PLXNA4: variants seen among roughly 807,000 people sequenced by gnomAD.
PLXNA4 encodes plexin A4.
A neutral mutation model predicts 191.8 loss-of-function variants in PLXNA4; 44 were observed. That is an observed-to-expected ratio of 0.23 (90% confidence interval 0.18 to 0.29). The LOEUF is 0.29. Among genes scored for constraint, PLXNA4 ranks in the 10% least tolerant of loss-of-function variants. PLXNA4 has a pLI of 1.00. For synonymous variants in PLXNA4, 1,082 were observed against 1,009.5 expected (o/e 1.07, Z -1.36); for missense variants, 1,800 against 2,488.8 (o/e 0.72, Z 5.89).
intron 3 of PLXNA4, among the ~76,000 whole-genome samples, chr7:132,423,782 C>T (rs1026739093): frequency 6.6e-6 from 1 of 152,198 alleles, no homozygotes; most frequent in Non-Finnish European, 1.5e-5. Context: ...CCTTCTCTCT[C>T]CTGCAGAATG....
chr7:132,393,648 C>A (rs1337669598), intron 3 of PLXNA4, among the ~76,000 whole-genome samples: 3 of 152,192 alleles, frequency 2.0e-5, no homozygotes, highest in Non-Finnish European at 4.4e-5. Flanking sequence ...TCCCGGCTCT[C>A]TAGAAACTCC....
intron 1 of PLXNA4, among the ~76,000 whole-genome samples, chr7:132,647,268 C>CAT (rs1004555036): frequency 3.3e-5 from 5 of 151,776 alleles, no homozygotes; most frequent in Admixed American, 6.6e-5. Flanking sequence ...TGCAGTCACA[C>CAT]ATATATATAC....
chr7:132,489,249 G>T (rs780021921), intron 3 of PLXNA4, 43 bp downstream of exon 3: 36 of 1,539,350 alleles, frequency 2.3e-5, no homozygotes, highest in Admixed American at 3.4e-5. Context: ...AGGAGGGACA[G>T]ACTGTCTTCA....
intron 14 of PLXNA4, among the ~76,000 whole-genome samples, chr7:132,188,956 A>AGGAGAGGAG (rs1562908616): frequency 6.3e-5 from 3 of 47,562 alleles, no homozygotes; most frequent in East Asian, 6.7e-4. Context: ...CCAGAGAGGA[A>AGGAGAGGAG]AGGAAAGGAA....
rs1307304133 is a variant in PLXNA4 at position 132,345,038 on chromosome 7, C to T, written c.1372-46816G>A. ...CCTAGGTGCCAGCATTGGTAGATGT[C>T]GGTGAAATGAATGAATGCATACATA... On this transcript the variant is annotated intron_variant, in intron 3 of 31. Coordinates refer to ENST00000321063, the MANE Select transcript of PLXNA4 (RefSeq NM_020911.2). Among the ~76,000 whole-genome samples, 8 of 152,220 alleles carry T rather than the reference C, an allele frequency of 5.3e-5. No homozygotes were observed. The South Asian group carries it at 1.0e-3, about 20-fold the overall frequency.
At chr7:132,572,753 C>T (rs1802037416) in intron 1 of PLXNA4, among the ~76,000 whole-genome samples, 1 of 152,150 alleles carries the variant, frequency 6.6e-6, no homozygotes, top group Non-Finnish European at 1.5e-5. Flanking sequence ...AAAGTCTGTG[C>T]AGCTAGAGGG....
chr7:132,159,691 A>T, intron 24 of PLXNA4, 59 bp from the exon 25 acceptor site: 1 of 1,598,176 alleles, frequency 6.3e-7, no homozygotes, highest in Non-Finnish European at 8.5e-7. Context: ...AAGCTCCTAG[A>T]TCCCCAGCAG....
At chr7:132,193,916 A>G (rs529166815) in intron 14 of PLXNA4, 146 bp downstream of exon 14, 7 of 1,046,368 alleles carry the variant, frequency 6.7e-6, no homozygotes, top group Middle Eastern at 2.9e-4. Flanking sequence ...CTCACTCACT[A>G]TAAGACAGGA....
intron 4 of PLXNA4, among the ~76,000 whole-genome samples, chr7:132,276,224 A>T (rs908763472): frequency 6.6e-6 from 1 of 152,198 alleles, no homozygotes; most frequent in Admixed American, 6.5e-5. Flanking sequence ...TCAAAGGAAT[A>T]TGAGTGGGGA....
intron 3 of PLXNA4, among the ~76,000 whole-genome samples, chr7:132,380,256 A>T (rs574833075): frequency 6.6e-6 from 1 of 152,292 alleles, no homozygotes; most frequent in South Asian, 2.1e-4. Flanking sequence ...AGCCTGTGGA[A>T]TTTGCAGCAT....
chr7:132,510,571 A>T (rs1563143072), intron 1 of PLXNA4, among the ~76,000 whole-genome samples: 2 of 152,202 alleles, frequency 1.3e-5, no homozygotes, highest in African/African-American at 4.8e-5. Context: ...TACCACCAGA[A>T]CCTGAACTGA....
At chr7:132,354,824 C>T (rs1803634951) in intron 3 of PLXNA4, among the ~76,000 whole-genome samples, 2 of 152,362 alleles carry the variant, frequency 1.3e-5, no homozygotes, top group South Asian at 4.1e-4. Flanking sequence ...AACTTGCTGA[C>T]AGCCACAGGA....
chr7:132,388,680 C>A (rs1193615480), intron 3 of PLXNA4, among the ~76,000 whole-genome samples: 2 of 152,132 alleles, frequency 1.3e-5, no homozygotes, highest in African/African-American at 2.4e-5. Flanking sequence ...TCCCAGGGGT[C>A]CTAAGAGGCT....
At chr7:132,275,504 C>A (rs1439536795) in intron 4 of PLXNA4, among the ~76,000 whole-genome samples, 1 of 152,178 alleles carries the variant, frequency 6.6e-6, no homozygotes, top group Non-Finnish European at 1.5e-5. Flanking sequence ...GCACATTATA[C>A]CTCAGTAAAG....
intron 2 of PLXNA4, among the ~76,000 whole-genome samples, chr7:132,612,935 G>C (rs928642155): frequency 6.6e-6 from 1 of 151,598 alleles, no homozygotes; most frequent in Admixed American, 6.6e-5. Context: ...ATCTTCGTAA[G>C]AATATATATA....
intron 3 of PLXNA4, among the ~76,000 whole-genome samples, chr7:132,376,689 G>A (rs2116922721): frequency 6.6e-6 from 1 of 152,316 alleles, no homozygotes; most frequent in Non-Finnish European, 1.5e-5. Context: ...CCCTGCAGTG[G>A]AGGCAGCGCC....
At chr7:132,606,561 A>G (rs1161338980) in intron 2 of PLXNA4, among the ~76,000 whole-genome samples, 1 of 152,254 alleles carries the variant, frequency 6.6e-6, no homozygotes, top group Non-Finnish European at 1.5e-5. Flanking sequence ...ATCGCACATA[A>G]GTAAATGTGA....
chr7:132,488,847 G>T (rs1797664879), intron 3 of PLXNA4, among the ~76,000 whole-genome samples: 1 of 152,206 alleles, frequency 6.6e-6, no homozygotes, highest in African/African-American at 2.4e-5. Flanking sequence ...TAATAGGTCT[G>T]CACTTTCCTC....
At chr7:132,541,129 C>G (rs117130525) in intron 1 of PLXNA4, among the ~76,000 whole-genome samples, 1,960 of 152,292 alleles carry the variant, frequency 0.013, 19 homozygotes, top group Non-Finnish European at 0.02. Context: ...AAAGCATGCA[C>G]GATTCACAGG....
Sources: gnomAD v4.1 joint callset for allele counts (sites outside exome capture counted in the v4.1 genomes callset) on GRCh38, gnomAD v4.1.1 for gene constraint, MANE v1.5 for transcripts, NCBI Gene and HGNC (gene_info 2026-07-23, HGNC 2026-07-21) for gene names.